Variants in FHIP2A observed in about 807,000 individuals in gnomAD.
FHIP2A encodes the protein family with sequence similarity 160 member B1.
FHIP2A carries 46 observed loss-of-function variants against 93.5 expected under a neutral mutation model. The observed-to-expected ratio is 0.49, with a 90% CI of 0.39 to 0.63. FHIP2A has a LOEUF of 0.63. FHIP2A is among the 20% of genes least tolerant of loss of function. The pLI is 0.00. For missense variants in FHIP2A, 769 were observed against 909.7 expected (o/e 0.85, Z 1.99); for synonymous variants, 332 against 326.5 (o/e 1.02, Z -0.18).
intron 13 of FHIP2A, among the ~76,000 whole-genome samples, chr10:114,850,982 C>T (rs2083731937): frequency 6.6e-6 from 1 of 152,118 alleles, no homozygotes; most frequent in Non-Finnish European, 1.5e-5. Context: ...GGCATGATCT[C>T]GGCTCACTGC....
chr10:114,837,826 A>G (rs570904524), intron 5 of FHIP2A, among the ~76,000 whole-genome samples: 37 of 152,304 alleles, frequency 2.4e-4, no homozygotes, highest in Admixed American at 2.2e-3. Context: ...AGCTTATTGC[A>G]TTTGAGATTC....
intron 16 of FHIP2A, among the ~76,000 whole-genome samples, chr10:114,887,267 T>C (rs1260933596): frequency 6.6e-6 from 1 of 152,210 alleles, no homozygotes; most frequent in Non-Finnish European, 1.5e-5. Context: ...AGCAGCTCTA[T>C]TCCAATATGG....
At chr10:114,881,658 C>G (rs142410319) in intron 16 of FHIP2A, among the ~76,000 whole-genome samples, 1 of 151,940 alleles carries the variant, frequency 6.6e-6, no homozygotes, top group Non-Finnish European at 1.5e-5. Context: ...AGCCACAGAG[C>G]CTGGGTTTAT....
intron 5 of FHIP2A, among the ~76,000 whole-genome samples, chr10:114,837,467 A>G (rs2083642710): frequency 6.6e-6 from 1 of 152,222 alleles, no homozygotes; most frequent in African/African-American, 2.4e-5. Flanking sequence ...GTGAGCCAAG[A>G]TTGCAACACT....
intron 6 of FHIP2A, among the ~76,000 whole-genome samples, 195 bp from the exon 7 acceptor site, chr10:114,843,546 C>A (rs2083682228): frequency 6.6e-6 from 1 of 152,096 alleles, no homozygotes; most frequent in South Asian, 2.1e-4. Flanking sequence ...TCAGCTGATC[C>A]ACCCGCCTTG....
At chr10:114,831,871 C>T (rs538402883) in intron 2 of FHIP2A, among the ~76,000 whole-genome samples, 2 of 152,288 alleles carry the variant, frequency 1.3e-5, no homozygotes, top group Non-Finnish European at 2.9e-5. Context: ...TAACAACTGT[C>T]CCATACCATA....
In FHIP2A at chr10:114,893,213, C is replaced by A. The variant is rs115977839; in HGVS notation, c.2193-6277C>A. ...AATAGGGGAAATATTGTGAGTAATC[C>A]AATTATCCCATAATAAGAGAATGAT... On this transcript the variant is annotated intron_variant, in intron 16 of 16. Coordinates refer to the FHIP2A transcript ENST00000369250. Among the ~76,000 whole-genome samples, 1,022 of 152,162 alleles carry A rather than the reference C, an allele frequency of 6.7e-3. 13 individuals are homozygous for A. The highest frequency in any genetic ancestry group is 0.024 in the African/African-American group (979 of 41,502).
chr10:114,899,040 C>G (rs2084014342), intron 16 of FHIP2A, among the ~76,000 whole-genome samples: 1 of 152,212 alleles, frequency 6.6e-6, no homozygotes, highest in African/African-American at 2.4e-5. Flanking sequence ...GAGGAATAGT[C>G]TAGCCTCCTA....
exon 17 of FHIP2A, chr10:114,899,782 TA>T: frequency 2.3e-6 from 1 of 431,638 alleles, no homozygotes; most frequent in Non-Finnish European, 4.1e-6. Context: ...ACCACAAGTA[TA>T]AAAAATACTG....
chr10:114,896,321 C>A (rs543746757), intron 16 of FHIP2A, among the ~76,000 whole-genome samples: 1 of 152,044 alleles, frequency 6.6e-6, no homozygotes, highest in South Asian at 2.1e-4. Flanking sequence ...GAACCTTGAC[C>A]ATCTGAGGTT....
chr10:114,852,219 A>T (rs1278653397), intron 13 of FHIP2A, among the ~76,000 whole-genome samples: 1 of 151,964 alleles, frequency 6.6e-6, no homozygotes, highest in Non-Finnish European at 1.5e-5. Flanking sequence ...AAAACCAAAA[A>T]TATCTATCAA....
intron 5 of FHIP2A, among the ~76,000 whole-genome samples, chr10:114,839,759 A>G (rs565370564): frequency 2.6e-5 from 4 of 151,810 alleles, no homozygotes; most frequent in African/African-American, 7.2e-5. Flanking sequence ...GCCCATGCCT[A>G]TAGTCCCAGC....
intron 1 of FHIP2A, among the ~76,000 whole-genome samples, chr10:114,830,422 G>A (rs370892529): frequency 1.4e-4 from 21 of 151,890 alleles, no homozygotes; most frequent in Non-Finnish European, 2.6e-4. Context: ...ACAGGCGCAC[G>A]GCACCACGCC....
At chr10:114,836,344 C>A in intron 5 of FHIP2A, 98 bp downstream of exon 5, 1 of 971,900 alleles carries the variant, frequency 1.0e-6, no homozygotes, top group Non-Finnish European at 1.5e-6. Context: ...CTCTGTTTTG[C>A]AGGTTATTAG....
chr10:114,868,392 C>G (rs2083841122), downstream of FHIP2A, among the ~76,000 whole-genome samples: 1 of 152,056 alleles, frequency 6.6e-6, no homozygotes. Context: ...TAACTAATGC[C>G]TGGTGGATCT....
chr10:114,899,314 G>C (rs1360085129), intron 16 of FHIP2A, among the ~76,000 whole-genome samples: 1 of 152,182 alleles, frequency 6.6e-6, no homozygotes, highest in African/African-American at 2.4e-5. Context: ...TTTTTCTGTG[G>C]TAAGTGACTG....
intron 15 of FHIP2A, 135 bp from the exon 16 acceptor site, chr10:114,861,096 T>A: frequency 8.3e-7 from 1 of 1,198,292 alleles, no homozygotes; most frequent in Non-Finnish European, 1.1e-6. Context: ...AGTCCTTGGT[T>A]AAAGATGATT....
chr10:114,822,108 G>A lies in FHIP2A; in HGVS notation c.30G>A (p.Gln10=). Residue 10 remains glutamine, a synonymous_variant, in exon 1 of 17, where the codon CAG becomes CAA. Transcript: ENST00000369248. ...TCTCCAAGTTCACCTCCATCCTGCA[G>A]CACGCCGTGGAGGCGGTAAGGCCGC... The part of the protein sequence containing the change: MFSKFTSIL[Q]HAVEALAPSL... The A allele has an allele frequency of 7.5e-7, 1 of 1,340,312 alleles. No homozygotes were observed. Among genetic ancestry groups the A allele is most frequent in the Non-Finnish European group, 9.8e-7 (1 of 1,023,620 alleles). The allele number at this position is 1,340,312 out of a possible 1,614,324, so 83.0% of individuals were successfully genotyped here.
At chr10:114,890,405 A>G (rs1356640369) in intron 16 of FHIP2A, among the ~76,000 whole-genome samples, 2 of 150,976 alleles carry the variant, frequency 1.3e-5, no homozygotes, top group African/African-American at 2.4e-5. Context: ...TAACTTGAGA[A>G]CCCAGTGATT....
Sources: gnomAD v4.1 joint callset for allele counts (sites outside exome capture counted in the v4.1 genomes callset) on GRCh38, gnomAD v4.1.1 for gene constraint, MANE v1.5 for transcripts, NCBI Gene and HGNC (gene_info 2026-07-23, HGNC 2026-07-21) for gene names.